GAS7: variants seen among roughly 807,000 people sequenced by gnomAD.
GAS7 encodes the protein growth arrest-specific protein 7.
In GAS7, 28 loss-of-function variants were observed where a neutral mutation model predicts 71.1. That is an observed-to-expected ratio of 0.39 (90% CI 0.29 to 0.54). GAS7 has a LOEUF of 0.54. Among genes scored for constraint, GAS7 ranks in the 20% least tolerant of loss-of-function variants. GAS7 has a pLI of 0.62. For missense variants in GAS7, 436 were observed against 627.8 expected (o/e 0.69, Z 3.27); for synonymous variants, 258 against 245.8 (o/e 1.05, Z -0.46).
intron 9 of GAS7, among the ~76,000 whole-genome samples, chr17:9,930,192 C>T (rs1367142211): frequency 3.9e-5 from 6 of 152,142 alleles, no homozygotes; most frequent in African/African-American, 7.2e-5. Flanking sequence ...TTTTATGAAA[C>T]GTTTGTTTCA....
chr17:9,972,393 G>C (rs967230792), intron 3 of GAS7, among the ~76,000 whole-genome samples: 1 of 152,218 alleles, frequency 6.6e-6, no homozygotes, highest in Non-Finnish European at 1.5e-5. Flanking sequence ...TGAGAGTGGA[G>C]AAATTTTATC....
At chr17:10,183,565 C>T (rs1254117596) in intron 1 of GAS7, among the ~76,000 whole-genome samples, 15 of 152,174 alleles carry the variant, frequency 9.9e-5, no homozygotes, top group South Asian at 4.1e-4. Context: ...ACTGGCTGGG[C>T]GCGGTGGCTC....
At chr17:10,133,122 A>ATATATATATATTTTTT (rs1392845338) in intron 1 of GAS7, among the ~76,000 whole-genome samples, 8 of 118,888 alleles carry the variant, frequency 6.7e-5, no homozygotes, top group African/African-American at 2.1e-4. Flanking sequence ...ATATTTTTAT[A>ATATATATATATTTTTT]TTTTTTTTTT....
At chr17:9,921,919 A>T (rs961777357) in intron 11 of GAS7, among the ~76,000 whole-genome samples, 2 of 147,224 alleles carry the variant, frequency 1.4e-5, no homozygotes, top group African/African-American at 2.6e-5. Flanking sequence ...AGATCGCACC[A>T]CTGCACTCCA....
intron 2 of GAS7, among the ~76,000 whole-genome samples, chr17:9,985,293 T>C (rs891374363): frequency 6.6e-6 from 1 of 152,172 alleles, no homozygotes; most frequent in Admixed American, 6.5e-5. Flanking sequence ...CTTTCCAACA[T>C]GGCACACGGA....
intron 2 of GAS7, among the ~76,000 whole-genome samples, chr17:9,983,912 T>C (rs1042422662): frequency 6.6e-6 from 1 of 152,144 alleles, no homozygotes; most frequent in African/African-American, 2.4e-5. Context: ...ACTGCCTGGG[T>C]TGGAATCCAG....
Position 9,966,040 on chromosome 17 carries a change from C to T in GAS7, c.471+3637G>A, listed in dbSNP as rs541786703. Reference sequence around the variant, plus strand: ...TGGAGATGGAGTCTCGCTCTGTCGCCCAGGCTGGAGTGCAGTGGTGCAATC... The same window carrying T: ...TGGAGATGGAGTCTCGCTCTGTCGCTCAGGCTGGAGTGCAGTGGTGCAATC... On this transcript the variant is annotated intron_variant, in intron 4 of 13. Transcript: ENST00000432992. 2.6e-3 allele frequency among the ~76,000 whole-genome samples: 383 copies of T among 149,038 alleles called. 1 individual carries two copies. The highest frequency in any genetic ancestry group is 4.4e-3 in the Non-Finnish European group (297 of 67,508).
chr17:10,157,331 G>A (rs900704759), intron 1 of GAS7, among the ~76,000 whole-genome samples: 1 of 152,050 alleles, frequency 6.6e-6, no homozygotes, highest in Non-Finnish European at 1.5e-5. Context: ...AACTGCCCCC[G>A]GGAACACCCT....
chr17:10,114,968 G>T (rs28479267), intron 1 of GAS7, among the ~76,000 whole-genome samples: 101,380 of 151,916 alleles, frequency 0.67, 34,283 homozygotes, highest in Non-Finnish European at 0.7. Context: ...GGCTGGCAGG[G>T]CTGGGCCAGC....
rs777192634 is a variant in GAS7 at position 9,946,945 on chromosome 17, C to G, written c.564G>C (p.Pro188=). ...CGGTTGGTTTCAGCAGCTGCTGTTC[C>G]GGCATCGTGTCTGGGTGAGGGAACG... is the stretch of plus-strand genomic sequence containing the variant. The part of the protein sequence containing the change: ...CVTFPHPDTM[P]EQQLLKPTEW... The change falls in exon 6 of 14, where the codon CCG becomes CCC. Residue 188 remains proline (P), a synonymous_variant. Transcript: ENST00000432992. 1.2e-6 allele frequency: 2 copies of G among 1,613,324 alleles called. No individual in the cohort carries two copies. The highest frequency in any genetic ancestry group is 1.7e-6 in the Non-Finnish European group (2 of 1,179,314).
chr17:10,090,760 G>A (rs2073573875), intron 1 of GAS7, among the ~76,000 whole-genome samples: 2 of 152,132 alleles, frequency 1.3e-5, no homozygotes, highest in African/African-American at 4.8e-5. Context: ...TTTGGATGAG[G>A]ACGTGGAGTG....
At chr17:9,986,426 G>A (rs75514186) in intron 2 of GAS7, among the ~76,000 whole-genome samples, 1 of 151,952 alleles carries the variant, frequency 6.6e-6, no homozygotes, top group Non-Finnish European at 1.5e-5. Context: ...TACTACCTGC[G>A]AGCCATCACC....
At chr17:10,191,162 C>A (rs369192157) in intron 1 of GAS7, among the ~76,000 whole-genome samples, 1 of 146,518 alleles carries the variant, frequency 6.8e-6, no homozygotes, top group South Asian at 2.2e-4. Context: ...GCAACGAGAG[C>A]GGAACTCCGT....
chr17:9,911,234 T>A lies in GAS7; in HGVS notation c.*5994A>T. The A allele has an allele frequency of 4.3e-6, 1 of 233,272 alleles. No individual in the cohort carries two copies. Among genetic ancestry groups the A allele is most frequent in the Non-Finnish European group, 8.5e-6 (1 of 118,188 alleles). The allele number at this position is 233,272 out of a possible 1,614,324, so 14.5% of individuals were successfully genotyped here. A position where few individuals can be genotyped will look rare whatever the true frequency, so the allele number is the denominator to read the frequency against. ...GAAGCGCCCCCACTTGACAGATGAG[T>A]GCACGGAGGTCCCGACAGGGGATGT... On this transcript the variant is annotated 3_prime_UTR_variant, in exon 14 of 14. Coordinates refer to ENST00000432992, the MANE Select transcript of GAS7 (RefSeq NM_201433.2). The surrounding 1 kb of genome is among the most constrained non-coding windows in gnomAD (Gnocchi z 4.0).
chr17:10,056,185 C>A (rs554419465), intron 1 of GAS7, among the ~76,000 whole-genome samples: 1 of 152,084 alleles, frequency 6.6e-6, no homozygotes, highest in African/African-American at 2.4e-5. Flanking sequence ...ATAGTGAGAC[C>A]CCCATCTCTA....
intron 1 of GAS7, among the ~76,000 whole-genome samples, chr17:10,146,751 G>A (rs569771552): frequency 2.6e-5 from 4 of 152,268 alleles, no homozygotes; most frequent in Admixed American, 6.5e-5. Flanking sequence ...TTGGGAGGCC[G>A]AGGCGGGCGG....
intron 1 of GAS7, among the ~76,000 whole-genome samples, chr17:10,046,565 G>C (rs995888939): frequency 2.4e-4 from 36 of 150,918 alleles, no homozygotes; most frequent in African/African-American, 7.8e-4. Context: ...GTGAAACCTC[G>C]TCTCTACTAA....
At chr17:9,985,838 G>C (rs546525268) in intron 2 of GAS7, among the ~76,000 whole-genome samples, 1 of 152,174 alleles carries the variant, frequency 6.6e-6, no homozygotes, top group Non-Finnish European at 1.5e-5. Context: ...CGGCGCTGCC[G>C]AGGCCTCCTT....
At chr17:9,929,331 T>G (rs924936349) in intron 9 of GAS7, among the ~76,000 whole-genome samples, 1 of 152,314 alleles carries the variant, frequency 6.6e-6, no homozygotes, top group East Asian at 1.9e-4. Flanking sequence ...GAAAAGCCCA[T>G]GAACCTGCCA....
Sources: allele counts gnomAD v4.1 joint callset (sites outside exome capture counted in the v4.1 genomes callset), GRCh38; gene constraint gnomAD v4.1.1; non-coding constraint Gnocchi (gnomAD v3.1); transcripts MANE v1.5; gene names NCBI Gene and HGNC (gene_info 2026-07-23, HGNC 2026-07-21).